RPS6KC1: variants seen among roughly 807,000 people sequenced by gnomAD.
The protein encoded by RPS6KC1 is inactive ribosomal protein S6 kinase delta-1.
RPS6KC1 carries 54 observed loss-of-function variants against 103.8 expected under a neutral mutation model. The observed-to-expected ratio is 0.52, with a 90% CI of 0.42 to 0.65. The LOEUF is 0.65. RPS6KC1 is among the 30% of genes least tolerant of loss of function. The pLI is 0.00. For synonymous variants in RPS6KC1, 439 were observed against 438.7 expected, an observed-to-expected ratio of 1.00 and a Z score of -0.01; for missense variants, 1,151 against 1,253.8, an observed-to-expected ratio of 0.92 and a Z score of 1.24.
the RPS6KC1 span, among the ~76,000 whole-genome samples, chr1:213,507,176 G>A: frequency 2.0e-4 from 31 of 152,252 alleles, no homozygotes; most frequent in East Asian, 5.8e-3. Context: ...CCTATTCCAA[G>A]TGAACAGGTT....
the RPS6KC1 span, among the ~76,000 whole-genome samples, chr1:213,381,843 G>GC: frequency 7.2e-5 from 11 of 152,282 alleles, no homozygotes; most frequent in African/African-American, 2.6e-4. Flanking sequence ...CGCCGCCCCA[G>GC]CCCCCTCGCG....
chr1:213,216,895 A>T (rs1433991778), intron 8 of RPS6KC1, among the ~76,000 whole-genome samples: 1 of 152,298 alleles, frequency 6.6e-6, no homozygotes, highest in South Asian at 2.1e-4. Context: ...AATTTATAGC[A>T]CTAAATGCCC....
At chr1:213,459,595 C>T in the RPS6KC1 span, among the ~76,000 whole-genome samples, 1 of 152,020 alleles carries the variant, frequency 6.6e-6, no homozygotes, top group African/African-American at 2.4e-5. Context: ...TCCTTCAGTT[C>T]TGCCCAGATC....
At chr1:213,289,253 CAAA>C in the RPS6KC1 span, among the ~76,000 whole-genome samples, 23 of 77,096 alleles carry the variant, frequency 3.0e-4, no homozygotes, top group Admixed American at 1.0e-3. Flanking sequence ...GTTGGATGCT[CAAA>C]AAAAAAAAAA....
chr1:213,759,877 C>T, the RPS6KC1 span, among the ~76,000 whole-genome samples: 1 of 152,246 alleles, frequency 6.6e-6, no homozygotes, highest in African/African-American at 2.4e-5. Context: ...TCTCCCTCAC[C>T]TAGCACAGAG....
At chr1:213,075,222 G>A (rs1023102819) in intron 2 of RPS6KC1, among the ~76,000 whole-genome samples, 2 of 151,980 alleles carry the variant, frequency 1.3e-5, no homozygotes, top group African/African-American at 4.8e-5. Flanking sequence ...TCATGTCCAG[G>A]TCATAATGAC....
Position 213,241,143 on chromosome 1 carries a change from C to T in RPS6KC1, c.1667C>T (p.Ala556Val). The change falls in exon 11 of 15, where the codon GCT (alanine) becomes GTT (valine). Residue 556 changes from alanine to valine, a missense_variant. Ala to Val is a moderately conservative substitution (Grantham distance 64). Coordinates refer to ENST00000366960, the MANE Select transcript of RPS6KC1 (RefSeq NM_012424.6). ...AIKSFPAHLA[A>V]DSDSPSTQLR... is the part of the protein sequence containing the mutation. ...AAAAGCTTCCCAGCACACCTTGCTG[C>T]TGACAGTGACAGCCCCAGCACACAG... 1 of 1,613,888 alleles carries T rather than the reference C, an allele frequency of 6.2e-7. No individual in the cohort carries two copies. Among genetic ancestry groups the T allele is most frequent in the African/African-American group, 1.3e-5 (1 of 75,040 alleles).
chr1:213,424,521 GCC>G, the RPS6KC1 span, among the ~76,000 whole-genome samples: 3 of 152,228 alleles, frequency 2.0e-5, no homozygotes, highest in Non-Finnish European at 4.4e-5. Context: ...GATGGCTGGT[GCC>G]CTTGTGTTAC....
chr1:213,287,543 C>T, the RPS6KC1 span, among the ~76,000 whole-genome samples: 1 of 152,112 alleles, frequency 6.6e-6, no homozygotes, highest in Non-Finnish European at 1.5e-5. Context: ...CTGGTTCAAG[C>T]TCATCTTTGT....
At chr1:213,688,336 C>T in the RPS6KC1 span, among the ~76,000 whole-genome samples, 2 of 152,166 alleles carry the variant, frequency 1.3e-5, no homozygotes, top group Non-Finnish European at 2.9e-5. Context: ...ATAAATAATA[C>T]TTATATCACC....
the RPS6KC1 span, among the ~76,000 whole-genome samples, chr1:213,504,181 G>T: frequency 1.3e-5 from 2 of 152,068 alleles, no homozygotes; most frequent in African/African-American, 4.8e-5. Context: ...AAAATATAAA[G>T]GGAGGTGGGT....
the RPS6KC1 span, among the ~76,000 whole-genome samples, chr1:213,508,203 G>T: frequency 5.7e-4 from 87 of 152,262 alleles, no homozygotes; most frequent in South Asian, 2.1e-4. Context: ...TTTACCCATT[G>T]TATCATTAAG....
intron 3 of RPS6KC1, among the ~76,000 whole-genome samples, chr1:213,086,191 A>G (rs1285865623): frequency 6.6e-6 from 1 of 152,178 alleles, no homozygotes; most frequent in East Asian, 1.9e-4. Context: ...CACTGTAGGA[A>G]GTAGGGTTTT....
chr1:213,103,030 G>T (rs1044932850), intron 3 of RPS6KC1, among the ~76,000 whole-genome samples: 4 of 151,890 alleles, frequency 2.6e-5, no homozygotes, highest in Non-Finnish European at 5.9e-5. Context: ...AGCGTAGTGC[G>T]ACCCTCTCTC....
At chr1:213,090,299 T>C (rs1010907242) in intron 3 of RPS6KC1, among the ~76,000 whole-genome samples, 2 of 152,234 alleles carry the variant, frequency 1.3e-5, no homozygotes, top group Non-Finnish European at 2.9e-5. Context: ...CCTTTAATTA[T>C]AATTTTCTCT....
chr1:213,430,859 A>T, the RPS6KC1 span, among the ~76,000 whole-genome samples: 29 of 152,382 alleles, frequency 1.9e-4, no homozygotes, highest in Admixed American at 4.6e-4. Flanking sequence ...AATGGCACTA[A>T]TTCAGTGAGA....
chr1:213,106,881 C>T (rs145669985), intron 4 of RPS6KC1, among the ~76,000 whole-genome samples: 11 of 152,054 alleles, frequency 7.2e-5, no homozygotes, highest in Admixed American at 4.6e-4. Flanking sequence ...TACAATTCAC[C>T]GATTTTCAGT....
intron 6 of RPS6KC1, among the ~76,000 whole-genome samples, chr1:213,151,726 G>A (rs2088975680): frequency 7.7e-6 from 1 of 129,470 alleles, no homozygotes; most frequent in Non-Finnish European, 1.7e-5. Flanking sequence ...CGGGCGGGGG[G>A]CTGACCCCCC....
chr1:213,513,522 G>A, the RPS6KC1 span, among the ~76,000 whole-genome samples: 2 of 152,146 alleles, frequency 1.3e-5, no homozygotes, highest in Non-Finnish European at 2.9e-5. Flanking sequence ...GGCACAAAAA[G>A]CAATGACTCT....
Sources: gnomAD v4.1 joint callset for allele counts (sites outside exome capture counted in the v4.1 genomes callset) on GRCh38, gnomAD v4.1.1 for gene constraint, MANE v1.5 for transcripts, NCBI Gene and HGNC (gene_info 2026-07-23, HGNC 2026-07-21) for gene names.